SPECC1: variants seen among roughly 807,000 people sequenced by gnomAD.
SPECC1 encodes the protein cytospin-B.
In SPECC1, 62 loss-of-function variants were observed where a neutral mutation model predicts 104.1. The ratio of observed to expected loss-of-function variants is 0.60; its 90% CI spans 0.49 to 0.74. SPECC1 has a LOEUF of 0.74. Ranked by LOEUF, SPECC1 falls within the 30% of genes least tolerant of loss-of-function variation. SPECC1 has a pLI of 0.00. For synonymous variants in SPECC1, 513 were observed against 501.6 expected (o/e 1.02, Z -0.30); for missense variants, 1,306 against 1,310.5 (o/e 1.00, Z 0.05).
intron 1 of SPECC1, among the ~76,000 whole-genome samples, chr17:20,013,328 T>C (rs1057350360): frequency 1.3e-5 from 2 of 152,234 alleles, no homozygotes; most frequent in Non-Finnish European, 2.9e-5. Context: ...CAGCAATGCG[T>C]GAGAATTTCA....
chr17:20,142,893 G>A (rs563746112), intron 3 of SPECC1, among the ~76,000 whole-genome samples: 1 of 151,066 alleles, frequency 6.6e-6, no homozygotes, highest in Non-Finnish European at 1.5e-5. Flanking sequence ...ACAGCTACTC[G>A]GGAGGCTAAG....
At chr17:20,087,424 C>T (rs1214964901) in intron 1 of SPECC1, among the ~76,000 whole-genome samples, 25 of 151,998 alleles carry the variant, frequency 1.6e-4, no homozygotes, top group Non-Finnish European at 1.5e-4. Flanking sequence ...AGTCTGGGGA[C>T]TTTATTATTT....
chr17:20,100,249 T>C (rs1413212277), intron 2 of SPECC1, among the ~76,000 whole-genome samples: 1 of 152,116 alleles, frequency 6.6e-6, no homozygotes. Flanking sequence ...CAGAAAGAAA[T>C]GTAGCCCGCC....
intron 7 of SPECC1, 74 bp from the exon 8 acceptor site, chr17:20,245,852 G>A: frequency 6.4e-7 from 1 of 1,556,220 alleles, no homozygotes; most frequent in Non-Finnish European, 8.8e-7. Flanking sequence ...CATCAGTTCT[G>A]TTTTCCTCTG....
At position 20,272,657 on chromosome 17, in the gene SPECC1, A is replaced by G. The variant is rs551605505; in HGVS notation, c.2940+12363A>G. On this transcript the variant is annotated intron_variant, in intron 12 of 14. Transcript: ENST00000395527. ...GTATTTGTCCTTTTGTGTCTGGCAT[A>G]TTTCACTTAGCATGATGTCCTCAAG... Among the ~76,000 whole-genome samples the G allele has an allele frequency of 1.1e-4, 17 of 152,324 alleles. No homozygotes were observed. The South Asian group carries it at 2.5e-3, about 22-fold the overall frequency.
chr17:20,091,742 A>T (rs1567835921), intron 1 of SPECC1, among the ~76,000 whole-genome samples: 1 of 152,054 alleles, frequency 6.6e-6, no homozygotes, highest in South Asian at 2.1e-4. Flanking sequence ...TGGTTCTCAG[A>T]CTTGAATGGT....
chr17:20,089,559 G>A (rs181526261), intron 1 of SPECC1, among the ~76,000 whole-genome samples: 2 of 152,200 alleles, frequency 1.3e-5, no homozygotes, highest in Non-Finnish European at 1.5e-5. Context: ...CCAGGGGGTC[G>A]AGGCTGTAGT....
intron 3 of SPECC1, among the ~76,000 whole-genome samples, chr17:20,157,441 T>C (rs1597839115): frequency 1.3e-5 from 2 of 152,278 alleles, no homozygotes; most frequent in South Asian, 4.2e-4. Flanking sequence ...TAACCAACAA[T>C]AAGCATATTC....
intron 1 of SPECC1, among the ~76,000 whole-genome samples, chr17:20,020,978 A>G (rs2044352811): frequency 6.6e-6 from 1 of 152,222 alleles, no homozygotes; most frequent in African/African-American, 2.4e-5. Context: ...AGCCTTACCC[A>G]TAATATAAAC....
At chr17:20,108,728 G>C (rs564187303) in intron 2 of SPECC1, among the ~76,000 whole-genome samples, 2 of 152,248 alleles carry the variant, frequency 1.3e-5, no homozygotes, top group Admixed American at 1.3e-4. Context: ...CATTTGGGTT[G>C]TTCTAGTTTT....
intron 2 of SPECC1, among the ~76,000 whole-genome samples, chr17:20,103,112 T>G (rs1474601933): frequency 6.6e-6 from 1 of 152,194 alleles, no homozygotes; most frequent in African/African-American, 2.4e-5. Context: ...GCCACTAAAC[T>G]GTGCTGCCAC....
intron 1 of SPECC1, among the ~76,000 whole-genome samples, chr17:20,019,658 G>T (rs142989017): frequency 1.3e-5 from 2 of 152,198 alleles, no homozygotes; most frequent in Non-Finnish European, 2.9e-5. Context: ...CTGATAGCAG[G>T]AATGACACGA....
intron 12 of SPECC1, among the ~76,000 whole-genome samples, chr17:20,292,661 A>G (rs775951757): frequency 1.3e-5 from 2 of 152,198 alleles, no homozygotes; most frequent in South Asian, 4.1e-4. Context: ...TCCAGGTTTC[A>G]TCAGGTAGCT....
chr17:20,071,770 T>C (rs946145124), intron 1 of SPECC1, among the ~76,000 whole-genome samples: 1 of 152,188 alleles, frequency 6.6e-6, no homozygotes, highest in Non-Finnish European at 1.5e-5. Context: ...TACATACTTA[T>C]TTTAGAAAAT....
chr17:20,112,578 C>A (rs2048546558), intron 3 of SPECC1: 2 of 831,138 alleles, frequency 2.4e-6, no homozygotes, highest in Admixed American at 3.4e-5. Flanking sequence ...CTTGCACATG[C>A]AAATCTTTGC....
intron 2 of SPECC1, among the ~76,000 whole-genome samples, chr17:20,106,986 G>A (rs769442883): frequency 2.7e-5 from 4 of 150,922 alleles, no homozygotes; most frequent in Non-Finnish European, 5.9e-5. Context: ...ATGAAACCCC[G>A]TCTCTACTAA....
intron 12 of SPECC1, among the ~76,000 whole-genome samples, chr17:20,272,887 A>G (rs1435812779): frequency 6.6e-6 from 1 of 152,236 alleles, no homozygotes; most frequent in Non-Finnish European, 1.5e-5. Context: ...TTTATCACCA[A>G]ATCTCTCTAT....
chr17:20,297,674 A>G (rs1373391349), intron 13 of SPECC1, among the ~76,000 whole-genome samples: 3 of 152,232 alleles, frequency 2.0e-5, no homozygotes, highest in Admixed American at 1.3e-4. Flanking sequence ...ATGAATGTGC[A>G]TGGCTGTGTC....
At position 20,314,267 on chromosome 17, in the gene SPECC1, A is replaced by C. The variant is rs2042004460; in HGVS notation, c.*202A>C. 1 of 596,736 alleles carries C rather than the reference A, an allele frequency of 1.7e-6. No individual in the cohort carries two copies. The highest frequency in any genetic ancestry group is 2.8e-5 in the East Asian group (1 of 35,592). 37.0% of individuals were successfully genotyped at this position (596,736 alleles called of 1,614,324 possible). A position where few individuals can be genotyped will look rare whatever the true frequency, so the allele number is the denominator to read the frequency against. The stretch of plus-strand genomic sequence containing the variant: ...CTGTCTGAAATGCAAATGCAGCTGG[A>C]CTGTAAATTGGGGACTCTTTGATCT... On this transcript the variant is annotated 3_prime_UTR_variant, in exon 15 of 15. Transcript: ENST00000395527.
Sources: allele counts gnomAD v4.1 joint callset (sites outside exome capture counted in the v4.1 genomes callset), GRCh38; gene constraint gnomAD v4.1.1; transcripts MANE v1.5; gene names NCBI Gene and HGNC (gene_info 2026-07-23, HGNC 2026-07-21).